The following NNT variants were observed in gnomAD, a reference collection of about 807,000 sequenced individuals.
The protein encoded by NNT is nicotinamide nucleotide transhydrogenase.
Under a neutral mutation model 104.8 loss-of-function variants are expected in NNT, and 50 were observed. The observed-to-expected ratio is 0.48, with a 90% CI of 0.38 to 0.60. The LOEUF is 0.60. NNT is among the 20% of genes least tolerant of loss of function. The pLI is 0.00. For missense variants in NNT, 1,131 were observed against 1,330.7 expected (o/e 0.85, Z 2.33); for synonymous variants, 461 against 490.4 (o/e 0.94, Z 0.79).
chr5:43,697,597 CA>C (rs1742625215), intron 19 of NNT, among the ~76,000 whole-genome samples: 1 of 152,180 alleles, frequency 6.6e-6, no homozygotes, highest in African/African-American at 2.4e-5. Flanking sequence ...CTGATAAAGA[CA>C]TACCTGAGAC....
chr5:43,706,896 C>A lies in NNT; in HGVS notation c.*2492C>A, dbSNP rs1580147138. ...CAGAAAACCAAACACTGCATGTTCT[C>A]ACTCATAGGTGGGAATTGAACAATG... On this transcript the variant is annotated 3_prime_UTR_variant, in exon 22 of 22. Coordinates refer to ENST00000344920, the MANE Select transcript of NNT (RefSeq NM_182977.3). 6.6e-6 allele frequency: 1 copy of A among 152,298 alleles called. No individual in the cohort carries two copies. The highest frequency in any genetic ancestry group is 1.5e-5 in the Non-Finnish European group (1 of 68,126). The allele number at this position is 152,298 out of a possible 1,614,324, so 9.4% of individuals were successfully genotyped here.
chr5:43,656,830 TG>T lies in NNT; in HGVS notation c.2454+18del. 2 of 1,601,572 alleles carry T rather than the reference TG, an allele frequency of 1.2e-6. No homozygotes were observed. Among genetic ancestry groups the T allele is most frequent in the Non-Finnish European group, 1.7e-6 (2 of 1,175,230 alleles). On this transcript the variant is annotated intron_variant, in intron 16 of 21. Coordinates refer to ENST00000344920, the MANE Select transcript of NNT (RefSeq NM_182977.3). ...GCTGTCATGGTAAGAAGTCAGAGAT[TG>T]AAAAGTACATATTTGGTGAAGAACT...
At chr5:43,699,371 T>TTTTTG (rs1742732650) in intron 19 of NNT, among the ~76,000 whole-genome samples, 1 of 150,186 alleles carries the variant, frequency 6.7e-6, no homozygotes, top group African/African-American at 2.5e-5. Context: ...TTTTTTTTTT[T>TTTTTG]GAGACAAAGT....
At chr5:43,652,823 A>G (rs1308998813) in intron 13 of NNT, among the ~76,000 whole-genome samples, 195 bp from the exon 14 acceptor site, 1 of 152,190 alleles carries the variant, frequency 6.6e-6, no homozygotes, top group South Asian at 2.1e-4. Flanking sequence ...CTCCATTTAA[A>G]TTTAGGTACT....
chr5:43,695,076 T>G (rs1203588365), intron 19 of NNT, among the ~76,000 whole-genome samples: 2 of 152,172 alleles, frequency 1.3e-5, no homozygotes, highest in Non-Finnish European at 2.9e-5. Flanking sequence ...GTTTTCTAGT[T>G]TGTGTGTATA....
At chr5:43,619,264 T>C in intron 5 of NNT, 145 bp downstream of exon 5, 1 of 378,348 alleles carries the variant, frequency 2.6e-6, no homozygotes, top group Admixed American at 4.5e-5. Flanking sequence ...TCACGAAACC[T>C]CAAAGCTTAA....
chr5:43,701,071 A>G (rs1742825905), intron 20 of NNT, among the ~76,000 whole-genome samples: 1 of 152,114 alleles, frequency 6.6e-6, no homozygotes, highest in Middle Eastern at 3.4e-3. Flanking sequence ...AGATTTTGAG[A>G]CTCTCAAGGA....
intron 19 of NNT, among the ~76,000 whole-genome samples, chr5:43,681,516 C>T (rs893226930): frequency 3.3e-5 from 5 of 152,028 alleles, no homozygotes; most frequent in African/African-American, 1.2e-4. Flanking sequence ...TCTCCTGCCT[C>T]AGCCTGCCAA....
At chr5:43,624,430 A>G (rs1292677588) in intron 6 of NNT, among the ~76,000 whole-genome samples, 1 of 152,180 alleles carries the variant, frequency 6.6e-6, no homozygotes, top group African/African-American at 2.4e-5. Flanking sequence ...TAGGGCATAA[A>G]CAAAGATGTT....
At chr5:43,617,571 A>G (rs1409732967) in intron 4 of NNT, among the ~76,000 whole-genome samples, 1 of 152,198 alleles carries the variant, frequency 6.6e-6, no homozygotes, top group African/African-American at 2.4e-5. Context: ...ACACAGCCAT[A>G]TTACAGTGAA....
intron 3 of NNT, among the ~76,000 whole-genome samples, chr5:43,614,256 G>A (rs994462633): frequency 8.5e-5 from 13 of 152,186 alleles, no homozygotes; most frequent in African/African-American, 2.9e-4. Flanking sequence ...AGTTAATGGT[G>A]TGCTCAGAAA....
chr5:43,661,024 G>A (rs1740326588), intron 17 of NNT, among the ~76,000 whole-genome samples: 1 of 152,094 alleles, frequency 6.6e-6, no homozygotes, highest in African/African-American at 2.4e-5. Flanking sequence ...AATTTGGAAG[G>A]CTGAAGTATC....
Position 43,644,215 on chromosome 5 carries a change from A to G in NNT, c.988A>G (p.Asn330Asp), listed in dbSNP as rs1050697992. ...AGGTAAAAAAGCTCCAGTTTTATTT[A>G]ATAAAGAAATGATTGAGTCAATGAA... The part of the protein sequence containing the change: ...IPGKKAPVLF[N>D]KEMIESMKEG... Residue 330 changes from asparagine (N) to aspartate (D), a missense_variant, in exon 8 of 22, where the codon AAT becomes GAT. Physicochemically the swap from Asn to Asp is conservative, Grantham distance 23. Transcript: ENST00000344920. The G allele has an allele frequency of 2.5e-6, 4 of 1,605,722 alleles. No individual in the cohort carries two copies. Among genetic ancestry groups the G allele is most frequent in the Non-Finnish European group, 3.4e-6 (4 of 1,177,528 alleles).
At position 43,670,248 on chromosome 5, in the gene NNT, A is replaced by AT. The variant is rs1740980263; in HGVS notation, c.2635-5257dup. The stretch of plus-strand genomic sequence containing the variant: ...AAAAAACCAGCTCCTGGATTCATTG[A>AT]TTTTTTGAATGGTTTTTTGTTTGAC... On this transcript the variant is annotated intron_variant, in intron 17 of 21. Transcript: ENST00000344920. Among the ~76,000 whole-genome samples the AT allele has an allele frequency of 2.0e-5, 3 of 152,078 alleles. No homozygotes were observed. The South Asian group carries it at 6.2e-4, about 32-fold the overall frequency.
In NNT at chr5:43,656,781, C is replaced by T; in HGVS notation, c.2422C>T (p.Leu808=). The T allele has an allele frequency of 6.2e-7, 1 of 1,614,030 alleles. No individual in the cohort carries two copies. The highest frequency in any genetic ancestry group is 8.5e-7 in the Non-Finnish European group (1 of 1,179,984). ...AAGCTTTACTACTGGCATCACCTGT[C>T]TGGGTTCAGTGTCTGCTCTCTCTGC... ...DPSFTTGITC[L]GSVSALSAVM... Residue 808 remains leucine (L), a synonymous_variant, in exon 16 of 22, where the codon CTG becomes TTG. Transcript: ENST00000344920.
intron 1 of NNT, among the ~76,000 whole-genome samples, chr5:43,608,664 T>C (rs979391933): frequency 2.6e-5 from 4 of 152,224 alleles, no homozygotes; most frequent in African/African-American, 9.6e-5. Flanking sequence ...GTCAGAGTAT[T>C]TGGTATGACC....
At chr5:43,609,428 C>T in intron 2 of NNT, 82 bp downstream of exon 2, 1 of 1,412,510 alleles carries the variant, frequency 7.1e-7, no homozygotes, top group Non-Finnish European at 9.7e-7. Flanking sequence ...AAAGGAAAAG[C>T]CATGTAGTTT....
Position 43,656,046 on chromosome 5 carries a change from TC to T in NNT, c.2267del (p.Ser756PhefsTer12). The part of the protein sequence containing the change: ...TYIGGVTFSG[S>X]LIAYGKLQGL... Reference sequence around the variant, plus strand: ...CATTGGTGGCGTCACCTTTAGTGGGTCTCTCATTGCCTATGGAAAATTGCAG... The same window carrying T: ...CATTGGTGGCGTCACCTTTAGTGGGTTCTCATTGCCTATGGAAAATTGCAG... On this transcript the variant is annotated frameshift_variant, in exon 15 of 22. Coordinates refer to ENST00000344920, the MANE Select transcript of NNT (RefSeq NM_182977.3). LOFTEE classifies it high-confidence loss of function. 1 of 1,614,108 alleles carries T rather than the reference TC, an allele frequency of 6.2e-7. No homozygotes were observed. Among genetic ancestry groups the T allele is most frequent in the Non-Finnish European group, 8.5e-7 (1 of 1,179,960 alleles).
intron 7 of NNT, among the ~76,000 whole-genome samples, chr5:43,640,857 CAT>C (rs1751196828): frequency 6.6e-6 from 1 of 150,550 alleles, no homozygotes; most frequent in Admixed American, 6.6e-5. Flanking sequence ...TCATATACAT[CAT>C]ATATATCTAT....
Sources: gnomAD v4.1 joint callset for allele counts (sites outside exome capture counted in the v4.1 genomes callset) on GRCh38, gnomAD v4.1.1 for gene constraint, MANE v1.5 for transcripts, NCBI Gene and HGNC (gene_info 2026-07-23, HGNC 2026-07-21) for gene names.